The following UBL3 variants were observed in gnomAD, a reference collection of about 807,000 sequenced individuals.
The protein encoded by UBL3 is ubiquitin like 3, also known as ubiquitin-like protein 3.
A neutral mutation model predicts 18.4 loss-of-function variants in UBL3; 6 were observed. The observed-to-expected ratio is 0.33, with a 90% CI of 0.18 to 0.64. The LOEUF (loss-of-function observed/expected upper bound fraction) is 0.64, where lower values mean the gene tolerates loss of function less well. Ranked by LOEUF, UBL3 falls within the 30% of genes least tolerant of loss-of-function variation. The pLI, the probability that UBL3 is intolerant of heterozygous loss-of-function variation, is 0.76. For synonymous variants in UBL3, 49 were observed against 46.6 expected, an observed-to-expected ratio of 1.05 and a Z score of -0.21; for missense variants, 109 against 142.9, an observed-to-expected ratio of 0.76 and a Z score of 1.21.
At chr13:29,794,376 C>T (rs1230851624) in intron 1 of UBL3, among the ~76,000 whole-genome samples, 2 of 150,842 alleles carry the variant, frequency 1.3e-5, no homozygotes, top group South Asian at 2.1e-4. Flanking sequence ...ACACACGCAC[C>T]CCTACCTATA....
At chr13:29,820,442 C>T (rs1356148747) in intron 1 of UBL3, among the ~76,000 whole-genome samples, 3 of 152,234 alleles carry the variant, frequency 2.0e-5, no homozygotes, top group African/African-American at 7.2e-5. Context: ...TCCCAAAGTG[C>T]TGAGATTACA....
At chr13:29,813,667 T>C (rs912846918) in intron 1 of UBL3, among the ~76,000 whole-genome samples, 2 of 152,102 alleles carry the variant, frequency 1.3e-5, no homozygotes, top group African/African-American at 2.4e-5. Context: ...AGGACGTGCA[T>C]AGGTTATATG....
rs552357233 is a variant in UBL3, at chr13:29,840,040, A to G, written c.27+9472T>C. 1.1e-4 allele frequency among the ~76,000 whole-genome samples: 16 copies of G among 151,798 alleles called. No individual in the cohort carries two copies. The South Asian group carries it at 3.3e-3, about 32-fold the overall frequency. On this transcript the variant is annotated intron_variant, in intron 1 of 4. Transcript: ENST00000380680. ...GTACAGAAAATTATCATTTTTTTAAATAGAAGAAATAAAGGTAAAGGCAGA... is the reference window on the plus strand; with the variant it reads ...GTACAGAAAATTATCATTTTTTTAAGTAGAAGAAATAAAGGTAAAGGCAGA...
In UBL3 at chr13:29,817,532, C is replaced by T. The variant is rs1417524506; in HGVS notation, c.27+31980G>A. On this transcript the variant is annotated intron_variant, in intron 1 of 4. Coordinates refer to ENST00000380680, the MANE Select transcript of UBL3 (RefSeq NM_007106.4). ...GGTCAGGGGAGGAACAGGAAAGAGA[C>T]CAGAGGCAAAATAGCTGAAATGTAT... Among the ~76,000 whole-genome samples the T allele has an allele frequency of 2.0e-5, 3 of 151,938 alleles. No homozygotes were observed. The East Asian group carries it at 5.8e-4, about 29-fold the overall frequency.
At chr13:29,848,986 C>T (rs1879299338) in intron 1 of UBL3, among the ~76,000 whole-genome samples, 1 of 152,178 alleles carries the variant, frequency 6.6e-6, no homozygotes, top group Admixed American at 6.5e-5. Flanking sequence ...TTTCTGTTGC[C>T]ATCCGTATTC....
chr13:29,772,026 C>A, intron 3 of UBL3, 86 bp downstream of exon 3: 2 of 1,172,088 alleles, frequency 1.7e-6, no homozygotes, highest in Non-Finnish European at 2.4e-6. Flanking sequence ...TTTTTTTTAG[C>A]AAATTCAAAG....
chr13:29,810,994 G>A (rs1376098818), intron 1 of UBL3, among the ~76,000 whole-genome samples: 2 of 152,084 alleles, frequency 1.3e-5, no homozygotes, highest in Non-Finnish European at 2.9e-5. Context: ...CAAGTCAATG[G>A]TGGTACAGGT....
At chr13:29,825,740 G>C (rs1159104861) in intron 1 of UBL3, among the ~76,000 whole-genome samples, 2 of 152,212 alleles carry the variant, frequency 1.3e-5, no homozygotes, top group Non-Finnish European at 1.5e-5. Context: ...ATGTTGAATA[G>C]AAGTGGTGAG....
At chr13:29,819,897 A>T (rs1418919646) in intron 1 of UBL3, among the ~76,000 whole-genome samples, 1 of 152,076 alleles carries the variant, frequency 6.6e-6, no homozygotes, top group Non-Finnish European at 1.5e-5. Flanking sequence ...TTTTTCCCCA[A>T]TCCCTACCCC....
At chr13:29,837,128 C>A (rs952530678) in intron 1 of UBL3, among the ~76,000 whole-genome samples, 1 of 152,146 alleles carries the variant, frequency 6.6e-6, no homozygotes, top group African/African-American at 2.4e-5. Context: ...AAATCCTATA[C>A]GGAGAAACAT....
At chr13:29,837,159 A>G (rs1878978657) in intron 1 of UBL3, among the ~76,000 whole-genome samples, 2 of 152,248 alleles carry the variant, frequency 1.3e-5, no homozygotes, top group Admixed American at 6.5e-5. Context: ...CAGATTCTCT[A>G]TAATTTTTCA....
chr13:29,843,157 A>C (rs1371864428), intron 1 of UBL3, among the ~76,000 whole-genome samples: 1 of 152,194 alleles, frequency 6.6e-6, no homozygotes. Flanking sequence ...AGTGGCTCCT[A>C]CATTTTTTTG....
chr13:29,802,562 A>G (rs1224683361), intron 1 of UBL3, among the ~76,000 whole-genome samples: 1 of 152,242 alleles, frequency 6.6e-6, no homozygotes, highest in African/African-American at 2.4e-5. Flanking sequence ...GGAGTACAAT[A>G]AAATGATGCA....
At chr13:29,847,896 T>G (rs1879267891) in intron 1 of UBL3, among the ~76,000 whole-genome samples, 1 of 152,110 alleles carries the variant, frequency 6.6e-6, no homozygotes, top group Non-Finnish European at 1.5e-5. Flanking sequence ...ATTTCATGTG[T>G]GCACACCAGA....
At chr13:29,774,373 T>G (rs1243507212) in intron 2 of UBL3, among the ~76,000 whole-genome samples, 2 of 152,138 alleles carry the variant, frequency 1.3e-5, no homozygotes, top group Non-Finnish European at 2.9e-5. Context: ...TATCCATATA[T>G]CAAAAGCTAT....
chr13:29,822,882 T>C (rs142164800), intron 1 of UBL3, among the ~76,000 whole-genome samples: 25 of 152,006 alleles, frequency 1.6e-4, no homozygotes, highest in African/African-American at 6.0e-4. Flanking sequence ...TCTCCCCAAA[T>C]TAGAACATTT....
chr13:29,782,471 T>C (rs1185977897), intron 1 of UBL3, among the ~76,000 whole-genome samples: 3 of 152,218 alleles, frequency 2.0e-5, no homozygotes, highest in East Asian at 3.8e-4. Context: ...TGGAAACTCA[T>C]AGCCTCTAAA....
chr13:29,837,126 T>C (rs535801565), intron 1 of UBL3, among the ~76,000 whole-genome samples: 8 of 152,348 alleles, frequency 5.3e-5, no homozygotes, highest in Admixed American at 2.0e-4. Flanking sequence ...TTAAATCCTA[T>C]ACGGAGAAAC....
intron 1 of UBL3, among the ~76,000 whole-genome samples, chr13:29,804,246 A>C (rs1285277540): frequency 6.6e-6 from 1 of 152,154 alleles, no homozygotes; most frequent in African/African-American, 2.4e-5. Context: ...ATTAAGGCAG[A>C]CATCAAGAAA....
Sources: allele counts gnomAD v4.1 joint callset (sites outside exome capture counted in the v4.1 genomes callset), GRCh38; gene constraint gnomAD v4.1.1; transcripts MANE v1.5; gene names NCBI Gene and HGNC (gene_info 2026-07-23, HGNC 2026-07-21).